CREB5: variants seen among roughly 807,000 people sequenced by gnomAD.
The protein encoded by CREB5 is cyclic AMP-responsive element-binding protein 5.
Under a neutral mutation model 57.1 loss-of-function variants are expected in CREB5, and 19 were observed. The observed-to-expected ratio is 0.33, with a 90% CI of 0.23 to 0.49. CREB5 has a LOEUF of 0.49. Ranked by LOEUF, CREB5 falls within the 20% of genes least tolerant of loss-of-function variation. CREB5 has a pLI of 0.99. For missense variants in CREB5, 579 were observed against 671.6 expected, an observed-to-expected ratio of 0.86 and a Z score of 1.52; for synonymous variants, 238 against 238.3, an observed-to-expected ratio of 1.00 and a Z score of 0.01.
chr7:28,724,621 A>C, intron 7 of CREB5: 1 of 278,286 alleles, frequency 3.6e-6, no homozygotes, highest in Non-Finnish European at 6.8e-6. Context: ...GCGTGTATAT[A>C]TTTGCTCAGC....
intron 1 of CREB5, among the ~76,000 whole-genome samples, chr7:28,311,428 T>C (rs1299933802): frequency 6.6e-6 from 1 of 152,226 alleles, no homozygotes; most frequent in Non-Finnish European, 1.5e-5. Context: ...GGCAGTGCTT[T>C]GAAAACATAT....
intron 1 of CREB5, among the ~76,000 whole-genome samples, chr7:28,468,227 A>G (rs896301925): frequency 9.2e-5 from 14 of 152,226 alleles, no homozygotes; most frequent in African/African-American, 3.1e-4. Context: ...TCCAAGGGCC[A>G]GCACCAGGTC....
intron 7 of CREB5, among the ~76,000 whole-genome samples, chr7:28,768,301 C>T (rs1583700989): frequency 6.6e-6 from 1 of 152,080 alleles, no homozygotes; most frequent in East Asian, 1.9e-4. Context: ...GGGACAGTGG[C>T]AATTGGAGGC....
chr7:28,364,737 C>T (rs1289958311), intron 1 of CREB5, among the ~76,000 whole-genome samples: 1 of 152,194 alleles, frequency 6.6e-6, no homozygotes, highest in Non-Finnish European at 1.5e-5. Context: ...GTGGCAGCTG[C>T]CTTTTCTCTT....
intron 4 of CREB5, among the ~76,000 whole-genome samples, chr7:28,539,778 A>C (rs1456629333): frequency 2.0e-5 from 3 of 152,176 alleles, no homozygotes; most frequent in African/African-American, 7.2e-5. Flanking sequence ...AGCCCTTAAC[A>C]TCCTCCAAAG....
At chr7:28,771,654 C>T (rs1806330943) in intron 7 of CREB5, among the ~76,000 whole-genome samples, 1 of 152,106 alleles carries the variant, frequency 6.6e-6, no homozygotes, top group African/African-American at 2.4e-5. Flanking sequence ...CCAGAAACTT[C>T]TAAGTGTATT....
upstream of CREB5, among the ~76,000 whole-genome samples, chr7:28,408,413 G>C (rs1787635880): frequency 6.6e-6 from 1 of 152,188 alleles, no homozygotes; most frequent in South Asian, 2.1e-4. Context: ...ATTCAGCAGG[G>C]GGATGGTGAC....
At chr7:28,809,472 C>T in intron 9 of CREB5, 58 bp downstream of exon 9, 2 of 1,474,026 alleles carry the variant, frequency 1.4e-6, no homozygotes, top group South Asian at 1.3e-5. Context: ...ACGGGCATTT[C>T]CGGCCCTGAC....
chr7:28,407,203 C>T (rs544303603), intron 1 of CREB5, among the ~76,000 whole-genome samples: 20 of 152,108 alleles, frequency 1.3e-4, no homozygotes, highest in Admixed American at 2.6e-4. Context: ...GCACCCACCA[C>T]CACACCCAGC....
intron 5 of CREB5, among the ~76,000 whole-genome samples, chr7:28,623,448 C>A (rs922806685): frequency 6.6e-6 from 1 of 152,100 alleles, no homozygotes; most frequent in Non-Finnish European, 1.5e-5. Context: ...TCTGAAATGC[C>A]GCTTCTCTGT....
chr7:28,469,223 A>T (rs1254102330), intron 1 of CREB5, among the ~76,000 whole-genome samples: 1 of 152,216 alleles, frequency 6.6e-6, no homozygotes, highest in Non-Finnish European at 1.5e-5. Flanking sequence ...CTGTCTCTAA[A>T]AAATAAATAA....
At chr7:28,306,256 GC>G (rs1785178938) in intron 1 of CREB5, among the ~76,000 whole-genome samples, 1 of 152,170 alleles carries the variant, frequency 6.6e-6, no homozygotes, top group African/African-American at 2.4e-5. Flanking sequence ...CTCTTTATGT[GC>G]CTGCTGTGTT....
intron 1 of CREB5, among the ~76,000 whole-genome samples, chr7:28,472,599 A>T (rs886652474): frequency 6.6e-6 from 1 of 152,160 alleles, no homozygotes; most frequent in Non-Finnish European, 1.5e-5. Context: ...TTATTTACGC[A>T]TGGGATAGGC....
chr7:28,604,548 C>G (rs998086257), intron 5 of CREB5, among the ~76,000 whole-genome samples: 7 of 151,784 alleles, frequency 4.6e-5, no homozygotes, highest in African/African-American at 1.5e-4. Context: ...ATAATGTATC[C>G]AATTGAGGAA....
chr7:28,714,596 A>G (rs549467548), intron 5 of CREB5, among the ~76,000 whole-genome samples: 23 of 152,308 alleles, frequency 1.5e-4, no homozygotes, highest in African/African-American at 4.3e-4. Context: ...CTTCGGGGGG[A>G]AAAATGAGGA....
chr7:28,560,876 G>A lies in CREB5; in HGVS notation c.292-9489G>A, dbSNP rs1407789776. 1.0e-3 allele frequency among the ~76,000 whole-genome samples: 43 copies of A among 41,996 alleles called. 2 individuals carry two copies. Among genetic ancestry groups the A allele is most frequent in the African/African-American group, 6.8e-3 (41 of 6,038 alleles). The allele number at this position is 41,996 out of a possible 152,430, so 27.6% of individuals were successfully genotyped here. On this transcript the variant is annotated intron_variant, in intron 4 of 10. Coordinates refer to ENST00000357727, the MANE Select transcript of CREB5 (RefSeq NM_182898.4). ...TGTGTGTGCGTGTGCCTGCGTGCGC[G>A]TGCGTGCGTGCGTGTGTGTGCGTGC...
rs58545065 is a variant in CREB5 at position 28,820,414 on chromosome 7, A to ATT, written c.*1147_*1148dup. On this transcript the variant is annotated 3_prime_UTR_variant, in exon 11 of 11. Coordinates refer to ENST00000357727, the MANE Select transcript of CREB5 (RefSeq NM_182898.4). ...ATCAGCTGCTAATAGCCTAAGATTT[A>ATT]TTTTTTTTTTTTTCTTAAGCCTATG... 1,514 of 147,496 alleles carry ATT rather than the reference A, an allele frequency of 0.01. 15 individuals carry two copies. The highest frequency in any genetic ancestry group is 0.012 in the Non-Finnish European group (781 of 66,864). 9.1% of individuals were successfully genotyped at this position (147,496 alleles called of 1,614,324 possible). A position where few individuals can be genotyped will look rare whatever the true frequency, so the allele number is the denominator to read the frequency against.
chr7:28,313,801 C>T (rs752092943), intron 1 of CREB5, among the ~76,000 whole-genome samples: 48 of 152,318 alleles, frequency 3.2e-4, no homozygotes, highest in Non-Finnish European at 5.1e-4. Context: ...TTGGCACACA[C>T]GCCACTTGCT....
chr7:28,809,433 T>G lies in CREB5; in HGVS notation c.1254+19T>G, dbSNP rs368858950. ...GCTTCAGGTGCAGCCCACGGTGTCT[T>G]TCCCCGCGACTCAAAGGCCCTCTGC... On this transcript the variant is annotated intron_variant, in intron 9 of 10. Coordinates refer to ENST00000357727, the MANE Select transcript of CREB5 (RefSeq NM_182898.4). 15 of 1,583,248 alleles carry G rather than the reference T, an allele frequency of 9.5e-6. No individual in the cohort carries two copies. Among genetic ancestry groups the G allele is most frequent in the Non-Finnish European group, 1.3e-5 (15 of 1,163,940 alleles).
Sources: allele counts gnomAD v4.1 joint callset (sites outside exome capture counted in the v4.1 genomes callset), GRCh38; gene constraint gnomAD v4.1.1; transcripts MANE v1.5; gene names NCBI Gene and HGNC (gene_info 2026-07-23, HGNC 2026-07-21).